Variants in ATP10B observed in about 807,000 individuals in gnomAD.
ATP10B encodes the protein phospholipid-transporting ATPase VB.
ATP10B carries 122 observed loss-of-function variants against 141.2 expected under a neutral mutation model. The observed-to-expected ratio is 0.86, with a 90% confidence interval of 0.75 to 1.00. The LOEUF (loss-of-function observed/expected upper bound fraction) is 1.00, where lower values mean the gene tolerates loss of function less well. Among genes scored for constraint, ATP10B ranks in the 50% least tolerant of loss-of-function variants. The pLI is 0.00. For synonymous variants in ATP10B, 685 were observed against 692.0 expected, an observed-to-expected ratio of 0.99 and a Z score of 0.16; for missense variants, 1,876 against 1,825.3, an observed-to-expected ratio of 1.03 and a Z score of -0.51.
intron 2 of ATP10B, among the ~76,000 whole-genome samples, chr5:160,761,409 C>T (rs971502055): frequency 1.3e-5 from 2 of 151,690 alleles, no homozygotes; most frequent in Middle Eastern, 3.2e-3. Flanking sequence ...AGCCTACATT[C>T]GCCAGCACCA....
At chr5:160,792,782 CCACAT>C (rs1554117131) in intron 1 of ATP10B, among the ~76,000 whole-genome samples, 7 of 152,166 alleles carry the variant, frequency 4.6e-5, no homozygotes, top group Middle Eastern at 3.2e-3. Context: ...CTCAATTCAT[CCACAT>C]GATCAATGTA....
intron 3 of ATP10B, among the ~76,000 whole-genome samples, chr5:160,694,306 C>T (rs1273089415): frequency 1.3e-5 from 2 of 152,182 alleles, no homozygotes; most frequent in African/African-American, 4.8e-5. Flanking sequence ...ACCTGAAGAA[C>T]TCCCTAAGTT....
intron 18 of ATP10B, among the ~76,000 whole-genome samples, chr5:160,611,436 C>A (rs536359719): frequency 6.6e-6 from 1 of 152,228 alleles, no homozygotes; most frequent in Admixed American, 6.5e-5. Flanking sequence ...AGGGATCAAG[C>A]ATTCAAGCAA....
chr5:160,565,085 T>C lies in ATP10B; in HGVS notation c.*368A>G, dbSNP rs1754451692. ...AACTTCCATATCCTGAGATATTGCC[T>C]GGGTTGATACACTTCTTGAATCTTG... On this transcript the variant is annotated 3_prime_UTR_variant, in exon 26 of 26. Transcript: ENST00000327245. The C allele has an allele frequency of 4.8e-6, 1 of 208,998 alleles. No individual in the cohort carries two copies. The highest frequency in any genetic ancestry group is 2.3e-5 in the African/African-American group (1 of 43,084). 12.9% of individuals were successfully genotyped at this position (208,998 alleles called of 1,614,324 possible). A position where few individuals can be genotyped will look rare whatever the true frequency, so the allele number is the denominator to read the frequency against.
At chr5:160,886,994 G>A in the ATP10B span, among the ~76,000 whole-genome samples, 2 of 152,204 alleles carry the variant, frequency 1.3e-5, no homozygotes, top group Non-Finnish European at 2.9e-5. Context: ...ATTGATGAGA[G>A]AAGGCTCTGT....
At chr5:160,823,564 A>C (rs1774338798) in intron 1 of ATP10B, among the ~76,000 whole-genome samples, 1 of 152,226 alleles carries the variant, frequency 6.6e-6, no homozygotes, top group African/African-American at 2.4e-5. Context: ...AAATTTAAGA[A>C]AACATATTTC....
chr5:160,565,444 T>A lies in ATP10B; in HGVS notation c.*9A>T. On this transcript the variant is annotated 3_prime_UTR_variant, in exon 26 of 26. Coordinates refer to ENST00000327245, the MANE Select transcript of ATP10B (RefSeq NM_025153.3). Reference sequence around the variant, plus strand: ...CCTCTGTTGAGTTTGTACAGATTTCTGCAGCTCCTCATATGGTCAGTGAAC... The same window carrying A: ...CCTCTGTTGAGTTTGTACAGATTTCAGCAGCTCCTCATATGGTCAGTGAAC... 1.2e-6 allele frequency: 2 copies of A among 1,613,152 alleles called. No homozygotes were observed. Among genetic ancestry groups the A allele is most frequent in the Non-Finnish European group, 1.7e-6 (2 of 1,179,396 alleles).
chr5:160,779,959 GAA>G (rs1159751706), intron 2 of ATP10B, among the ~76,000 whole-genome samples: 2 of 152,096 alleles, frequency 1.3e-5, no homozygotes, highest in African/African-American at 4.8e-5. Context: ...TGCAGTCTCA[GAA>G]TACTAACACT....
chr5:160,666,844 T>C (rs2127720386), intron 7 of ATP10B, among the ~76,000 whole-genome samples: 1 of 152,288 alleles, frequency 6.6e-6, no homozygotes, highest in South Asian at 2.1e-4. Flanking sequence ...ACAATAAATG[T>C]GTGCTTTCAA....
intron 2 of ATP10B, among the ~76,000 whole-genome samples, chr5:160,769,381 A>G (rs1471275322): frequency 6.6e-6 from 1 of 152,158 alleles, no homozygotes; most frequent in African/African-American, 2.4e-5. Context: ...ACATTTCACA[A>G]TTGTGGTACA....
chr5:160,721,036 T>A lies in ATP10B; in HGVS notation c.-330-4002A>T, dbSNP rs1765962670. Among the ~76,000 whole-genome samples, 3 of 151,282 alleles carry A rather than the reference T, an allele frequency of 2.0e-5. No individual in the cohort carries two copies. In the South Asian group the frequency reaches 6.3e-4, roughly 32 times the overall value. On this transcript the variant is annotated intron_variant, in intron 2 of 25. Coordinates refer to ENST00000327245, the MANE Select transcript of ATP10B (RefSeq NM_025153.3). ...GGTGTTGTCATGAAGTATGTGCATA[T>A]GTGTGTGTGTGTGTGTAAATATTTA...
chr5:160,839,390 T>C (rs1321775869), intron 1 of ATP10B, among the ~76,000 whole-genome samples: 1 of 152,114 alleles, frequency 6.6e-6, no homozygotes, highest in Non-Finnish European at 1.5e-5. Flanking sequence ...AAAAGTCTTA[T>C]GGGCCATGGC....
rs147338295 is a variant in ATP10B at position 160,774,989 on chromosome 5, G to A, written c.-331+10570C>T. On this transcript the variant is annotated intron_variant, in intron 2 of 25. Coordinates refer to ENST00000327245, the MANE Select transcript of ATP10B (RefSeq NM_025153.3). Reference sequence around the variant, plus strand: ...CTAGTATTTTACTTATGCCAGCATCGCTGCCTCCGTGGACCCACCAGGCTC... The same window carrying A: ...CTAGTATTTTACTTATGCCAGCATCACTGCCTCCGTGGACCCACCAGGCTC... Among the ~76,000 whole-genome samples the A allele has an allele frequency of 2.0e-3, 305 of 152,288 alleles. 1 individual carries two copies. Among genetic ancestry groups the A allele is most frequent in the African/African-American group, 2.8e-3 (115 of 41,570 alleles).
chr5:160,836,659 T>C (rs747397014), intron 1 of ATP10B, among the ~76,000 whole-genome samples: 11 of 152,152 alleles, frequency 7.2e-5, no homozygotes, highest in Non-Finnish European at 1.5e-4. Context: ...GGCAGTGAAA[T>C]TATTTTTCTC....
chr5:160,892,052 T>C, the ATP10B span, among the ~76,000 whole-genome samples: 1 of 152,376 alleles, frequency 6.6e-6, no homozygotes, highest in South Asian at 2.1e-4. Flanking sequence ...CAATATTACA[T>C]TCATAATTAT....
At chr5:160,789,402 T>A (rs892185989) in intron 1 of ATP10B, among the ~76,000 whole-genome samples, 1 of 152,188 alleles carries the variant, frequency 6.6e-6, no homozygotes, top group Non-Finnish European at 1.5e-5. Flanking sequence ...TCTAACCTAC[T>A]GTGACTAGAC....
At position 160,591,142 on chromosome 5, in the gene ATP10B, G is replaced by T. The variant is rs372248326; in HGVS notation, c.3565-3C>A. On this transcript the variant is annotated splice_region_variant and splice_polypyrimidine_tract_variant and intron_variant, in intron 22 of 25. Transcript: ENST00000327245. ...CAGAAAGTCGACAGGTTATAGCACT[G>T]CCAGGAGAGAACACACCAATAATTA... is the stretch of plus-strand genomic sequence containing the variant. The T allele has an allele frequency of 1.2e-5, 20 of 1,612,160 alleles. No homozygotes were observed. Among genetic ancestry groups the T allele is most frequent in the Non-Finnish European group, 4.2e-6 (5 of 1,179,196 alleles).
In ATP10B at chr5:160,851,637, T is replaced by TGCAGGATA. The variant is rs200813449; in HGVS notation, c.-576+296_-576+303dup. ...GCTTCCTCAGGCTGCACTGGATGAA[T>TGCAGGATA]GCAGGATAGCAGGATATATTATTTA... On this transcript the variant is annotated intron_variant, in intron 1 of 25. Transcript: ENST00000327245. 6.0e-3 allele frequency among the ~76,000 whole-genome samples: 911 copies of TGCAGGATA among 152,318 alleles called. 12 individuals carry two copies. Among genetic ancestry groups the TGCAGGATA allele is most frequent in the African/African-American group, 0.021 (867 of 41,564 alleles).
chr5:160,745,631 T>A (rs1767761427), intron 2 of ATP10B, among the ~76,000 whole-genome samples: 1 of 152,246 alleles, frequency 6.6e-6, no homozygotes, highest in Non-Finnish European at 1.5e-5. Context: ...TCAGAAACAC[T>A]TATAGAAGAC....
Sources: allele counts gnomAD v4.1 joint callset (sites outside exome capture counted in the v4.1 genomes callset), GRCh38; gene constraint gnomAD v4.1.1; transcripts MANE v1.5; gene names NCBI Gene and HGNC (gene_info 2026-07-23, HGNC 2026-07-21).